Variants in CYTL1 observed in about 807,000 individuals in gnomAD.
The protein encoded by CYTL1 is cytokine-like protein 1.
A neutral mutation model predicts 13.1 loss-of-function variants in CYTL1; 17 were observed. The observed-to-expected ratio is 1.29, with a 90% CI of 0.89 to 1.94. CYTL1 has a LOEUF of 1.94. CYTL1 is among the 30% of genes most tolerant of loss of function. CYTL1 has a pLI of 0.00. For missense variants in CYTL1, 213 were observed against 174.8 expected (o/e 1.22, Z -1.23); for synonymous variants, 91 against 79.4 (o/e 1.15, Z -0.78).
At chr4:5,019,207 C>T (rs1741142989) in intron 1 of CYTL1, 86 bp downstream of exon 1, 1 of 1,185,612 alleles carries the variant, frequency 8.4e-7, no homozygotes, top group Non-Finnish European at 1.1e-6. Flanking sequence ...TTTTCTCTCT[C>T]TCTCTCTTTT....
chr4:5,014,969 C>G lies in CYTL1; in HGVS notation c.*182G>C. 8.0e-6 allele frequency: 5 copies of G among 626,536 alleles called. No individual in the cohort carries two copies. Among genetic ancestry groups the G allele is most frequent in the Non-Finnish European group, 1.4e-5 (5 of 351,126 alleles). 38.8% of individuals were successfully genotyped at this position (626,536 alleles called of 1,614,324 possible). The stretch of plus-strand genomic sequence containing the variant: ...GGAATGAGAAGCATGGTTGCTAACT[C>G]TATGCTCAAAGGAGGTTCCTGGGTA... On this transcript the variant is annotated 3_prime_UTR_variant, in exon 4 of 4. Transcript: ENST00000307746.
Position 5,015,187 on chromosome 4 carries a change from G to A in CYTL1, c.375C>T (p.Ile125=). Residue 125 remains isoleucine (I), a synonymous_variant, in exon 4 of 4, where the codon ATC becomes ATT. Transcript: ENST00000307746. ...GATCTGGCAGGACCGTAGTCACTGG[G>A]ATTGGGTATTCCAAGGCATTGCAGT... The part of the protein sequence containing the change: ...LDDCNALEYP[I]PVTTVLPDRQ... The A allele has an allele frequency of 6.2e-7, 1 of 1,614,006 alleles. No individual in the cohort carries two copies. Among genetic ancestry groups the A allele is most frequent in the South Asian group, 1.1e-5 (1 of 91,002 alleles).
At chr4:5,016,137 T>C (rs1741067363) in intron 3 of CYTL1, among the ~76,000 whole-genome samples, 1 of 152,120 alleles carries the variant, frequency 6.6e-6, no homozygotes, top group South Asian at 2.1e-4. Context: ...AGGGGTGGCT[T>C]TGTTAAAAAA....
intron 3 of CYTL1, 123 bp from the exon 4 acceptor site, chr4:5,015,357 C>T: frequency 1.4e-6 from 1 of 699,692 alleles, no homozygotes. Context: ...TAAAAACTTC[C>T]CATGCCTTAC....
chr4:5,017,256 C>G (rs1741095535), intron 1 of CYTL1, 77 bp from the exon 2 acceptor site: 3 of 1,450,784 alleles, frequency 2.1e-6, no homozygotes, highest in Admixed American at 1.9e-5. Context: ...GTGGCCCTCT[C>G]AACAGCCAGA....
In CYTL1 at chr4:5,015,188, A is replaced by C. The variant is rs767816726; in HGVS notation, c.374T>G (p.Ile125Ser). ...LDDCNALEYPIPVTTVLPDRQ... is the reference protein window; with the variant it reads ...LDDCNALEYPSPVTTVLPDRQ... ...ATCTGGCAGGACCGTAGTCACTGGGATTGGGTATTCCAAGGCATTGCAGTC... is the reference window on the plus strand; with the variant it reads ...ATCTGGCAGGACCGTAGTCACTGGGCTTGGGTATTCCAAGGCATTGCAGTC... The change falls in exon 4 of 4, where the codon ATC (isoleucine) becomes AGC (serine). Residue 125 changes from isoleucine to serine, a missense_variant. Transcript: ENST00000307746. The C allele has an allele frequency of 9.3e-6, 15 of 1,613,874 alleles. No individual in the cohort carries two copies. The highest frequency in any genetic ancestry group is 1.3e-5 in the Non-Finnish European group (15 of 1,179,976).
rs367960818 is a variant in CYTL1 at position 5,014,634 on chromosome 4, A to G, written c.*517T>C. 3.8e-5 allele frequency: 6 copies of G among 157,720 alleles called. No homozygotes were observed. The highest frequency in any genetic ancestry group is 1.4e-4 in the African/African-American group (6 of 41,500). The allele number at this position is 157,720 out of a possible 1,614,324, so 9.8% of individuals were successfully genotyped here. A position where few individuals can be genotyped will look rare whatever the true frequency, so the allele number is the denominator to read the frequency against. On this transcript the variant is annotated 3_prime_UTR_variant, in exon 4 of 4. Transcript: ENST00000307746. Reference sequence around the variant, plus strand: ...ATTTGATTTTCATCACCTTTCAATGAAAGAGTGGGTCCTGTCAGCACTACG... The same window carrying G: ...ATTTGATTTTCATCACCTTTCAATGGAAGAGTGGGTCCTGTCAGCACTACG...
Position 5,016,792 on chromosome 4 carries a change from G to A in CYTL1, c.327+44C>T, listed in dbSNP as rs1437126176. The A allele has an allele frequency of 5.0e-6, 8 of 1,610,638 alleles. No individual in the cohort carries two copies. The Admixed American group carries it at 1.3e-4, about 27-fold the overall frequency. On this transcript the variant is annotated intron_variant, in intron 3 of 3. Transcript: ENST00000307746. Reference sequence around the variant, plus strand: ...TCTTTGAAAAGCTCAGAAAGTCTTGGCTGATAGCAAGTAGAAAATAGACTT... The same window carrying A: ...TCTTTGAAAAGCTCAGAAAGTCTTGACTGATAGCAAGTAGAAAATAGACTT...
chr4:5,016,502 C>T (rs1560117476), intron 3 of CYTL1, among the ~76,000 whole-genome samples: 1 of 152,196 alleles, frequency 6.6e-6, no homozygotes, highest in East Asian at 1.9e-4. Flanking sequence ...CCGGAATCCT[C>T]TTATCAGAGC....
chr4:5,017,695 C>CATA (rs1741104941), intron 1 of CYTL1, among the ~76,000 whole-genome samples: 1 of 151,384 alleles, frequency 6.6e-6, no homozygotes, highest in Non-Finnish European at 1.5e-5. Context: ...TAATTATAGA[C>CATA]ATTATATATA....
Position 5,014,615 on chromosome 4 carries a change from T to C in CYTL1, c.*536A>G, listed in dbSNP as rs1238023859. ...TCATGTGAAGAGATTCTTTATTTGA[T>C]TTTCATCACCTTTCAATGAAAGAGT... On this transcript the variant is annotated 3_prime_UTR_variant, in exon 4 of 4. Coordinates refer to ENST00000307746, the MANE Select transcript of CYTL1 (RefSeq NM_018659.3). 4 of 156,996 alleles carry C rather than the reference T, an allele frequency of 2.5e-5. No individual in the cohort carries two copies. The highest frequency in any genetic ancestry group is 7.2e-5 in the African/African-American group (3 of 41,486). 9.7% of individuals were successfully genotyped at this position (156,996 alleles called of 1,614,324 possible).
At chr4:5,015,664 A>G (rs562433168) in intron 3 of CYTL1, among the ~76,000 whole-genome samples, 1 of 152,340 alleles carries the variant, frequency 6.6e-6, no homozygotes, top group African/African-American at 2.4e-5. Flanking sequence ...CAAAGGGAGC[A>G]GGGAGGAGGA....
chr4:5,017,804 G>A (rs373753710), intron 1 of CYTL1, among the ~76,000 whole-genome samples: 3 of 152,224 alleles, frequency 2.0e-5, no homozygotes, highest in South Asian at 4.2e-4. Context: ...TAATATCGAA[G>A]TGCATAAATT....
intron 3 of CYTL1, among the ~76,000 whole-genome samples, chr4:5,015,517 G>A (rs1577594920): frequency 6.6e-6 from 1 of 152,038 alleles, no homozygotes; most frequent in South Asian, 2.1e-4. Flanking sequence ...TATGGGTGAG[G>A]GAGGGAATAA....
chr4:5,018,862 C>T (rs2108734624), intron 1 of CYTL1, among the ~76,000 whole-genome samples: 1 of 152,310 alleles, frequency 6.6e-6, no homozygotes, highest in East Asian at 1.9e-4. Flanking sequence ...GGGCGGAGGC[C>T]AGTTCTGTGA....
intron 3 of CYTL1, among the ~76,000 whole-genome samples, chr4:5,016,591 G>A (rs1741075961): frequency 6.6e-6 from 1 of 152,160 alleles, no homozygotes; most frequent in Non-Finnish European, 1.5e-5. Flanking sequence ...TGTGGCTGGG[G>A]TGTGGTCCTG....
chr4:5,019,225 G>C, intron 1 of CYTL1, 68 bp downstream of exon 1: 1 of 1,227,202 alleles, frequency 8.1e-7, no homozygotes, highest in Non-Finnish European at 1.1e-6. Flanking sequence ...TTTTTTTTTC[G>C]TGTAAAGGCA....
chr4:5,015,215 T>C lies in CYTL1; in HGVS notation c.347A>G (p.Asp116Gly). The C allele has an allele frequency of 6.2e-7, 1 of 1,613,454 alleles. No individual in the cohort carries two copies. Among genetic ancestry groups the C allele is most frequent in the Non-Finnish European group, 8.5e-7 (1 of 1,179,752 alleles). ...TGGGTATTCCAAGGCATTGCAGTCA[T>C]CCAACAGGAATACCAAATCCTGAAA... ...FCRRDLVFLL[D>G]DCNALEYPIP... The change falls in exon 4 of 4, where the codon GAT becomes GGT. Residue 116 changes from aspartate to glycine, a missense_variant. Coordinates refer to ENST00000307746, the MANE Select transcript of CYTL1 (RefSeq NM_018659.3).
At position 5,015,248 on chromosome 4, in the gene CYTL1, G is replaced by A; in HGVS notation, c.328-14C>T. On this transcript the variant is annotated splice_polypyrimidine_tract_variant and intron_variant, in intron 3 of 3. Coordinates refer to ENST00000307746, the MANE Select transcript of CYTL1 (RefSeq NM_018659.3). ...GAATACCAAATCCTGAAAAAGATGT[G>A]CAATGAGCAGGAAAGTTACTGAAGG... 1 of 1,606,430 alleles carries A rather than the reference G, an allele frequency of 6.2e-7. No homozygotes were observed. The highest frequency in any genetic ancestry group is 8.5e-7 in the Non-Finnish European group (1 of 1,174,596).
Sources: gnomAD v4.1 joint callset for allele counts (sites outside exome capture counted in the v4.1 genomes callset) on GRCh38, gnomAD v4.1.1 for gene constraint, MANE v1.5 for transcripts, NCBI Gene and HGNC (gene_info 2026-07-23, HGNC 2026-07-21) for gene names.